The following TMEM64 variants were observed in gnomAD, a reference collection of about 807,000 sequenced individuals.
The protein encoded by TMEM64 is transmembrane protein 64.
Under a neutral mutation model 24.5 loss-of-function variants are expected in TMEM64, and 19 were observed. The observed-to-expected ratio is 0.78, with a 90% CI of 0.54 to 1.14. The LOEUF is 1.14. TMEM64 is among the 50% of genes most tolerant of loss of function. TMEM64 has a pLI of 0.00. For missense variants in TMEM64, 487 were observed against 493.0 expected, an observed-to-expected ratio of 0.99 and a Z score of 0.12; for synonymous variants, 262 against 224.7, an observed-to-expected ratio of 1.17 and a Z score of -1.49.
chr8:90,641,183 AGTAAACAGTTCAGGCTCT>A (rs1383437622), intron 1 of TMEM64, among the ~76,000 whole-genome samples: 6 of 152,184 alleles, frequency 3.9e-5, no homozygotes, highest in Admixed American at 2.0e-4. Context: ...AGCACCAGGT[AGTAAACAGTTCAGGCTCT>A]GTAGGCAGTA....
At position 90,623,620 on chromosome 8, in the gene TMEM64, A is replaced by G. The variant is rs1431439600; in HGVS notation, c.*2051T>C. The G allele has an allele frequency of 6.6e-6, 1 of 152,584 alleles. No individual in the cohort carries two copies. Among genetic ancestry groups the G allele is most frequent in the East Asian group, 1.9e-4 (1 of 5,198 alleles). The allele number at this position is 152,584 out of a possible 1,614,324, so 9.5% of individuals were successfully genotyped here. A position where few individuals can be genotyped will look rare whatever the true frequency, so the allele number is the denominator to read the frequency against. On this transcript the variant is annotated 3_prime_UTR_variant, in exon 3 of 3. Transcript: ENST00000458549. ...AGAAAATTATTTCTTTTACCTTTAC[A>G]TATTTATTGTTAAGTACCAAGCAAA...
chr8:90,633,505 A>G (rs1809470877), intron 1 of TMEM64, among the ~76,000 whole-genome samples: 1 of 152,220 alleles, frequency 6.6e-6, no homozygotes, highest in African/African-American at 2.4e-5. Context: ...TAAGTTTTGA[A>G]GTGATCTGGT....
intron 1 of TMEM64, among the ~76,000 whole-genome samples, chr8:90,640,374 G>A (rs763674964): frequency 6.6e-6 from 1 of 152,126 alleles, no homozygotes; most frequent in Non-Finnish European, 1.5e-5. Context: ...TCAAGAAAAT[G>A]AGAAAATGTG....
At chr8:90,640,430 G>A (rs1369457035) in intron 1 of TMEM64, among the ~76,000 whole-genome samples, 2 of 152,110 alleles carry the variant, frequency 1.3e-5, no homozygotes, top group African/African-American at 2.4e-5. Flanking sequence ...AAAATAAAAG[G>A]TAATGTTACA....
intron 1 of TMEM64, among the ~76,000 whole-genome samples, chr8:90,637,718 T>C (rs1586129851): frequency 6.6e-6 from 1 of 152,188 alleles, no homozygotes; most frequent in Admixed American, 6.5e-5. Flanking sequence ...TAATATTTAC[T>C]GATAATTTTA....
intron 1 of TMEM64, among the ~76,000 whole-genome samples, chr8:90,644,188 A>C (rs758769222): frequency 3.3e-5 from 5 of 152,238 alleles, no homozygotes; most frequent in Non-Finnish European, 7.3e-5. Context: ...GGTAGTTTAG[A>C]ATCACTGAAT....
rs555632938 is a variant in TMEM64, at chr8:90,632,314, T to TTTG, written c.796-610_796-608dup. 5.3e-4 allele frequency among the ~76,000 whole-genome samples: 81 copies of TTTG among 151,596 alleles called. 1 individual carries two copies. Among genetic ancestry groups the TTTG allele is most frequent in the South Asian group, 1.7e-3 (8 of 4,774 alleles). On this transcript the variant is annotated intron_variant, in intron 1 of 2. Coordinates refer to ENST00000458549, the MANE Select transcript of TMEM64 (RefSeq NM_001008495.4). ...GGCACATGCCGCCACACCGCTACTT[T>TTTG]TTGTTGTTGTTGTTGTTGTTGTTTT...
rs1446868961 is a variant in TMEM64 at position 90,645,419 on chromosome 8, A to G, written c.487T>C (p.Phe163Leu). 46 of 1,551,640 alleles carry G rather than the reference A, an allele frequency of 3.0e-5. No individual in the cohort carries two copies. Among genetic ancestry groups the G allele is most frequent in the Middle Eastern group, 1.7e-4 (1 of 6,014 alleles). ...GAGACCACGATGAAGCCCACGACGA[A>G]GAGCAGGACCCCCAGCAGCGAGTCA... is the stretch of plus-strand genomic sequence containing the variant. The part of the protein sequence containing the change: ...SLDSLLGVLL[F>L]VVGFIVVSFP... Residue 163 changes from phenylalanine (F) to leucine (L), a missense_variant, in exon 1 of 3, where the codon TTC becomes CTC. Transcript: ENST00000458549. The surrounding 1 kb of genome is among the most constrained non-coding windows in gnomAD (Gnocchi z 4.2).
chr8:90,643,693 G>A (rs1809642335), intron 1 of TMEM64, among the ~76,000 whole-genome samples: 1 of 152,104 alleles, frequency 6.6e-6, no homozygotes, highest in African/African-American at 2.4e-5. Flanking sequence ...CAAAGTCCTG[G>A]GACAGTTTAT....
At chr8:90,632,383 C>T (rs1394904704) in intron 1 of TMEM64, among the ~76,000 whole-genome samples, 1 of 152,076 alleles carries the variant, frequency 6.6e-6, no homozygotes, top group Non-Finnish European at 1.5e-5. Context: ...AGTGCAGTGG[C>T]CCCATCTCAG....
chr8:90,635,580 T>C (rs547420404), intron 1 of TMEM64, among the ~76,000 whole-genome samples: 20 of 151,920 alleles, frequency 1.3e-4, no homozygotes, highest in Admixed American at 1.3e-3. Flanking sequence ...GGGCCTTGGA[T>C]AAAAGAGGAA....
intron 1 of TMEM64, among the ~76,000 whole-genome samples, chr8:90,633,477 A>G (rs1809470738): frequency 6.6e-6 from 1 of 152,226 alleles, no homozygotes; most frequent in Non-Finnish European, 1.5e-5. Context: ...GAGACAATAA[A>G]TGATTGTTTT....
chr8:90,636,308 T>C (rs1002095292), intron 1 of TMEM64, among the ~76,000 whole-genome samples: 1 of 152,158 alleles, frequency 6.6e-6, no homozygotes, highest in Non-Finnish European at 1.5e-5. Context: ...CAGGCTAGAG[T>C]GCAATGGCAC....
rs536626152 is a variant in TMEM64 at position 90,645,702 on chromosome 8, G to C, written c.204C>G (p.Ala68=). Residue 68 remains alanine (A), a synonymous_variant, in exon 1 of 3, where the codon GCC becomes GCG. Coordinates refer to ENST00000458549, the MANE Select transcript of TMEM64 (RefSeq NM_001008495.4). This position sits in a 1 kb window ranked among gnomAD's most constrained non-coding sequence, Gnocchi z 4.2. Reference sequence around the variant, plus strand: ...CGGGCGGACCGTGGCGCTCCAGATAGGCGCCGAGCAGGGCGCCCGAGGCCG... The same window carrying C: ...CGGGCGGACCGTGGCGCTCCAGATACGCGCCGAGCAGGGCGCCCGAGGCCG... The part of the protein sequence containing the change: ...AAAASGALLG[A]YLERHGPPEA... 37 of 1,305,140 alleles carry C rather than the reference G, an allele frequency of 2.8e-5. No individual in the cohort carries two copies. The highest frequency in any genetic ancestry group is 3.3e-5 in the Non-Finnish European group (34 of 1,030,058). 80.8% of individuals were successfully genotyped at this position (1,305,140 alleles called of 1,614,324 possible).
At chr8:90,637,236 C>G (rs889579748) in intron 1 of TMEM64, among the ~76,000 whole-genome samples, 1 of 152,214 alleles carries the variant, frequency 6.6e-6, no homozygotes, top group Non-Finnish European at 1.5e-5. Context: ...TTCACTGAAG[C>G]TGGGGTTGTG....
intron 2 of TMEM64, among the ~76,000 whole-genome samples, chr8:90,628,825 A>G (rs1195058551): frequency 6.6e-6 from 1 of 152,214 alleles, no homozygotes. Context: ...GATTCCAGAC[A>G]TTTGGATTAG....
Position 90,623,161 on chromosome 8 carries a change from CA to C in TMEM64, c.*2509del, listed in dbSNP as rs1809305493. Reference sequence around the variant, plus strand: ...TTCATAGGATTCAGAAATTATATATCATTTTTAAGTGTGCATTAAGCAACTT... The same window carrying C: ...TTCATAGGATTCAGAAATTATATATCTTTTTAAGTGTGCATTAAGCAACTT... On this transcript the variant is annotated 3_prime_UTR_variant, in exon 3 of 3. Coordinates refer to ENST00000458549, the MANE Select transcript of TMEM64 (RefSeq NM_001008495.4). The C allele has an allele frequency of 6.6e-6, 1 of 152,094 alleles. No individual in the cohort carries two copies. The highest frequency in any genetic ancestry group is 1.5e-5 in the Non-Finnish European group (1 of 67,996). 9.4% of individuals were successfully genotyped at this position (152,094 alleles called of 1,614,324 possible).
rs1809668390 is a variant in TMEM64, at chr8:90,645,078, T to C, written c.795+33A>G. On this transcript the variant is annotated intron_variant, in intron 1 of 2. Coordinates refer to ENST00000458549, the MANE Select transcript of TMEM64 (RefSeq NM_001008495.4). This position sits in a 1 kb window ranked among gnomAD's most constrained non-coding sequence, Gnocchi z 4.2. Reference sequence around the variant, plus strand: ...CCACAAGACCGCTCAAAAACAGACTTGGAGAGGGATAGGCCAGCGGGACCC... The same window carrying C: ...CCACAAGACCGCTCAAAAACAGACTCGGAGAGGGATAGGCCAGCGGGACCC... 6 of 1,573,556 alleles carry C rather than the reference T, an allele frequency of 3.8e-6. No individual in the cohort carries two copies. Among genetic ancestry groups the C allele is most frequent in the Non-Finnish European group, 5.2e-6 (6 of 1,155,242 alleles).
chr8:90,629,773 CTT>C (rs774281306), intron 2 of TMEM64, among the ~76,000 whole-genome samples: 4 of 151,720 alleles, frequency 2.6e-5, no homozygotes, highest in African/African-American at 9.7e-5. Context: ...AAAACTGACT[CTT>C]TGCATGTCAA....
Sources: allele counts gnomAD v4.1 joint callset (sites outside exome capture counted in the v4.1 genomes callset), GRCh38; gene constraint gnomAD v4.1.1; non-coding constraint Gnocchi (gnomAD v3.1); transcripts MANE v1.5; gene names NCBI Gene and HGNC (gene_info 2026-07-23, HGNC 2026-07-21).